The following SEPTIN9 variants were observed in gnomAD, a reference collection of about 807,000 sequenced individuals.
The protein encoded by SEPTIN9 is septin 9.
A neutral mutation model predicts 56.6 loss-of-function variants in SEPTIN9; 13 were observed. The ratio of observed to expected loss-of-function variants is 0.23; its 90% CI spans 0.15 to 0.37. The LOEUF (loss-of-function observed/expected upper bound fraction) is 0.37, where lower values mean the gene tolerates loss of function less well. Ranked by LOEUF, SEPTIN9 falls within the 10% of genes least tolerant of loss-of-function variation. SEPTIN9 has a pLI of 1.00. For missense variants in SEPTIN9, 650 were observed against 823.1 expected (o/e 0.79, Z 2.57); for synonymous variants, 332 against 334.1 (o/e 0.99, Z 0.07).
chr17:77,455,303 A>G (rs987648064), intron 3 of SEPTIN9, among the ~76,000 whole-genome samples: 1 of 152,268 alleles, frequency 6.6e-6, no homozygotes, highest in East Asian at 1.9e-4. Context: ...CGGCCTCTGC[A>G]TGGCCTTCAG....
intron 11 of SEPTIN9, among the ~76,000 whole-genome samples, chr17:77,497,841 G>A (rs963022687): frequency 1.3e-5 from 2 of 151,994 alleles, no homozygotes; most frequent in Non-Finnish European, 1.5e-5. Flanking sequence ...TCCCTGGAGT[G>A]TGGGCCCTGG....
At chr17:77,454,256 G>T (rs533063496) in intron 3 of SEPTIN9, 2 of 985,544 alleles carry the variant, frequency 2.0e-6, no homozygotes, top group Non-Finnish European at 2.4e-6. Context: ...TGGGGAAGAG[G>T]CTTCCTGAGG....
intron 7 of SEPTIN9, among the ~76,000 whole-genome samples, chr17:77,490,003 C>T (rs960702336): frequency 7.2e-5 from 11 of 152,250 alleles, no homozygotes; most frequent in Non-Finnish European, 1.0e-4. Context: ...GTCTGTGGCA[C>T]TTCTGCCACT....
chr17:77,463,710 G>T lies in SEPTIN9; in HGVS notation c.722-18434G>T, dbSNP rs532296330. Among the ~76,000 whole-genome samples the T allele has an allele frequency of 2.0e-5, 3 of 152,180 alleles. No homozygotes were observed. The South Asian group carries it at 6.2e-4, about 32-fold the overall frequency. ...ATACAAAAATTAGCCAGGCGTGGTG[G>T]TAGGCACCTGTAATCCCAGCTACTT... On this transcript the variant is annotated intron_variant, in intron 3 of 11. Transcript: ENST00000427177.
intron 2 of SEPTIN9, among the ~76,000 whole-genome samples, chr17:77,349,340 C>A (rs2033986343): frequency 6.6e-6 from 1 of 152,174 alleles, no homozygotes; most frequent in Non-Finnish European, 1.5e-5. Context: ...TGGTCTCGAA[C>A]TCCTGACCTC....
In SEPTIN9 at chr17:77,421,610, G is replaced by A. The variant is rs898033513; in HGVS notation, c.721+18907G>A. On this transcript the variant is annotated intron_variant, in intron 3 of 11. Coordinates refer to ENST00000427177, the MANE Select transcript of SEPTIN9 (RefSeq NM_001113491.2). This position sits in a 1 kb window ranked among gnomAD's most constrained non-coding sequence, Gnocchi z 4.6. ...AGAATGCACCCTCTGCGTGTACAGGGATGGCTTTTGGGCCATTCACCTGAG... is the reference window on the plus strand; with the variant it reads ...AGAATGCACCCTCTGCGTGTACAGGAATGGCTTTTGGGCCATTCACCTGAG... Among the ~76,000 whole-genome samples, 3 of 152,226 alleles carry A rather than the reference G, an allele frequency of 2.0e-5. No individual in the cohort carries two copies. The highest frequency in any genetic ancestry group is 4.8e-5 in the African/African-American group (2 of 41,450).
At chr17:77,361,781 T>C (rs1194971403) in intron 2 of SEPTIN9, among the ~76,000 whole-genome samples, 4 of 152,202 alleles carry the variant, frequency 2.6e-5, no homozygotes, top group East Asian at 1.9e-4. Flanking sequence ...TACAGGCGCC[T>C]GCCACCGCGT....
chr17:77,461,962 G>A (rs1448325419), intron 3 of SEPTIN9, among the ~76,000 whole-genome samples: 2 of 152,182 alleles, frequency 1.3e-5, no homozygotes, highest in Admixed American at 6.5e-5. Context: ...GATGTTCCAG[G>A]TTGAAGGCGG....
intron 1 of SEPTIN9, among the ~76,000 whole-genome samples, chr17:77,283,288 G>A (rs1183814008): frequency 2.0e-5 from 3 of 152,034 alleles, no homozygotes; most frequent in African/African-American, 7.3e-5. Flanking sequence ...ACCTAAAGGG[G>A]CAGGCCCCTC....
chr17:77,410,780 C>A (rs1480045341), intron 3 of SEPTIN9, among the ~76,000 whole-genome samples: 1 of 152,200 alleles, frequency 6.6e-6, no homozygotes, highest in Non-Finnish European at 1.5e-5. Flanking sequence ...TTGTCTGAAG[C>A]CCCTGGGCAG....
intron 3 of SEPTIN9, among the ~76,000 whole-genome samples, chr17:77,414,487 AT>A (rs1045773017): frequency 1.0e-4 from 15 of 150,730 alleles, no homozygotes; most frequent in Non-Finnish European, 1.6e-4. Flanking sequence ...AATTTAGAAA[AT>A]TTTTTTCTTA....
intron 4 of SEPTIN9, chr17:77,484,265 T>TGGTGGTGGTGGTGATAGTGGTGGGAC (rs2039575971): frequency 2.5e-5 from 1 of 39,320 alleles, no homozygotes; most frequent in African/African-American, 2.3e-4. Context: ...ATGATGGTGA[T>TGGTGGTGGTGGTGATAGTGGTGGGAC]GGTGGTGGTG....
chr17:77,290,451 G>T (rs1285236799), intron 1 of SEPTIN9, among the ~76,000 whole-genome samples: 1 of 151,558 alleles, frequency 6.6e-6, no homozygotes, highest in Non-Finnish European at 1.5e-5. Context: ...AGTAGAGGCG[G>T]GGTTTCACCA....
intron 1 of SEPTIN9, among the ~76,000 whole-genome samples, chr17:77,299,933 C>T (rs1039022869): frequency 6.6e-6 from 1 of 152,222 alleles, no homozygotes; most frequent in Non-Finnish European, 1.5e-5. Context: ...CAGCCCTCCT[C>T]CTACCCCAAA....
rs561097998 is a variant in SEPTIN9 at position 77,291,587 on chromosome 17, G to A, written c.19+10033G>A. ...GCGGGGGTTGCAGTGAGCTGAGATCGTGCCACGGCACTCCAGCCTGGGCAA... is the reference window on the plus strand; with the variant it reads ...GCGGGGGTTGCAGTGAGCTGAGATCATGCCACGGCACTCCAGCCTGGGCAA... On this transcript the variant is annotated intron_variant, in intron 1 of 11. Coordinates refer to ENST00000427177, the MANE Select transcript of SEPTIN9 (RefSeq NM_001113491.2). 3.5e-4 allele frequency among the ~76,000 whole-genome samples: 54 copies of A among 152,140 alleles called. 2 individuals are homozygous for A. In the South Asian group the frequency reaches 9.8e-3, roughly 27 times the overall value.
chr17:77,370,811 A>G (rs1222214841), intron 2 of SEPTIN9, among the ~76,000 whole-genome samples: 1 of 152,142 alleles, frequency 6.6e-6, no homozygotes, highest in Admixed American at 6.5e-5. Context: ...TCCTGTAGCA[A>G]TGAGGCCTCA....
chr17:77,424,371 C>T (rs867294960), intron 3 of SEPTIN9, among the ~76,000 whole-genome samples: 4 of 152,222 alleles, frequency 2.6e-5, no homozygotes, highest in African/African-American at 4.8e-5. Flanking sequence ...AGCCTCTGGT[C>T]GAGCCCCTTG....
At chr17:77,428,730 G>T (rs542755289) in intron 3 of SEPTIN9, among the ~76,000 whole-genome samples, 1 of 152,308 alleles carries the variant, frequency 6.6e-6, no homozygotes, top group Non-Finnish European at 1.5e-5. Context: ...CACAGGCTGG[G>T]AGGGCTGTGG....
At position 77,308,965 on chromosome 17, in the gene SEPTIN9, G is replaced by A. The variant is rs114091721; in HGVS notation, c.76+1768G>A. 4.6e-3 allele frequency among the ~76,000 whole-genome samples: 708 copies of A among 152,360 alleles called. 4 individuals are homozygous for A. The highest frequency in any genetic ancestry group is 0.016 in the African/African-American group (678 of 41,578). Reference sequence around the variant, plus strand: ...CCCCTGGGCAGCTGCATGATTCAGCGCTGTGGTTAAGAGGGGCTCCGCCCA... The same window carrying A: ...CCCCTGGGCAGCTGCATGATTCAGCACTGTGGTTAAGAGGGGCTCCGCCCA... On this transcript the variant is annotated intron_variant, in intron 2 of 11. Coordinates refer to ENST00000427177, the MANE Select transcript of SEPTIN9 (RefSeq NM_001113491.2).
Sources: gnomAD v4.1 joint callset for allele counts (sites outside exome capture counted in the v4.1 genomes callset) on GRCh38, gnomAD v4.1.1 for gene constraint, Gnocchi (gnomAD v3.1) non-coding constraint, MANE v1.5 for transcripts, NCBI Gene and HGNC (gene_info 2026-07-23, HGNC 2026-07-21) for gene names.